Variants in NUP98 observed in about 807,000 individuals in gnomAD.
NUP98 encodes the protein nuclear pore complex protein Nup98-Nup96.
Under a neutral mutation model 191.9 loss-of-function variants are expected in NUP98, and 26 were observed. The ratio of observed to expected loss-of-function variants is 0.14; its 90% CI spans 0.10 to 0.19. NUP98 has a LOEUF of 0.19. Ranked by LOEUF, NUP98 falls within the 10% of genes least tolerant of loss-of-function variation. The probability of loss-of-function intolerance (pLI) is 1.00; values close to 1 mark genes in which losing one functional copy is unlikely to be tolerated. For missense variants in NUP98, 1,941 were observed against 2,178.8 expected (o/e 0.89, Z 2.17); for synonymous variants, 808 against 778.4 (o/e 1.04, Z -0.63).
chr11:3,781,962 C>T, intron 2 of NUP98, 80 bp downstream of exon 2: 1 of 882,418 alleles, frequency 1.1e-6, no homozygotes, highest in South Asian at 1.6e-5. Flanking sequence ...AAAATTCCCA[C>T]CTAAAGCTTA....
chr11:3,795,827 T>C (rs1382508611), intron 1 of NUP98, among the ~76,000 whole-genome samples: 1 of 152,204 alleles, frequency 6.6e-6, no homozygotes, highest in Non-Finnish European at 1.5e-5. Context: ...CATACCCTGT[T>C]CACGCTTTAC....
At chr11:3,702,280 GACACACACACACACACACAC>G (rs537147629) in intron 23 of NUP98, among the ~76,000 whole-genome samples, 163 bp downstream of exon 23, 1 of 108,480 alleles carries the variant, frequency 9.2e-6, no homozygotes, top group African/African-American at 4.0e-5. Context: ...GCAAAACTGA[GACACACACACACACACACAC>G]ACACACACAC....
At chr11:3,746,380 T>C (rs1471419955) in intron 11 of NUP98, among the ~76,000 whole-genome samples, 2 of 149,816 alleles carry the variant, frequency 1.3e-5, no homozygotes, top group Admixed American at 6.7e-5. Context: ...ACTAAAATTA[T>C]ATTACTTCAT....
chr11:3,720,822 A>G lies in NUP98; in HGVS notation c.2150T>C (p.Ile717Thr). 1 of 1,058,458 alleles carries G rather than the reference A, an allele frequency of 9.4e-7. No individual in the cohort carries two copies. Among genetic ancestry groups the G allele is most frequent in the Non-Finnish European group, 1.4e-6 (1 of 715,396 alleles). 65.6% of individuals were successfully genotyped at this position (1,058,458 alleles called of 1,614,324 possible). A position where few individuals can be genotyped will look rare whatever the true frequency, so the allele number is the denominator to read the frequency against. ...NNSYHMHPAG[I>T]ILTKVGYYTI... ...ATAGTAACCAACCTTAGTGAGAATA[A>G]TACCTGTGACAAAAAAAAAAAAAAA... Residue 717 changes from isoleucine to threonine, a missense_variant, in exon 17 of 33, where the codon ATT becomes ACT. Coordinates refer to ENST00000324932, the MANE Select transcript of NUP98 (RefSeq NM_016320.5).
chr11:3,718,686 A>C (rs2079276680), intron 18 of NUP98, among the ~76,000 whole-genome samples: 1 of 152,252 alleles, frequency 6.6e-6, no homozygotes, highest in Non-Finnish European at 1.5e-5. Context: ...AATAATTTTC[A>C]CTACAGCCCT....
chr11:3,702,311 ACACTCTCT>A (rs1349131910), intron 23 of NUP98, 144 bp downstream of exon 23: 199 of 423,932 alleles, frequency 4.7e-4, no homozygotes, highest in African/African-American at 2.6e-3. Flanking sequence ...ACACACACAC[ACACTCTCT>A]CTCTCTCTCT....
chr11:3,753,203 CG>C (rs2080830169), intron 11 of NUP98, 112 bp downstream of exon 11: 1 of 905,994 alleles, frequency 1.1e-6, no homozygotes, highest in African/African-American at 1.7e-5. Context: ...ACTGGAAAAA[CG>C]AAAAGGTAGA....
chr11:3,746,284 A>AC (rs1341647454), intron 11 of NUP98, among the ~76,000 whole-genome samples: 1 of 147,164 alleles, frequency 6.8e-6, no homozygotes, highest in Non-Finnish European at 1.5e-5. Flanking sequence ...AAAAAAAAAA[A>AC]AAAAAAAAAA....
intron 18 of NUP98, among the ~76,000 whole-genome samples, chr11:3,719,136 T>C (rs1225393977): frequency 6.6e-6 from 1 of 150,404 alleles, no homozygotes; most frequent in African/African-American, 2.4e-5. Context: ...AAAAAAATAA[T>C]AATAGTAAAA....
intron 10 of NUP98, among the ~76,000 whole-genome samples, chr11:3,757,185 T>C (rs1330598621): frequency 6.7e-6 from 1 of 148,638 alleles, no homozygotes; most frequent in Non-Finnish European, 1.5e-5. Context: ...AACACCCTTA[T>C]AGTGTTCAGA....
Position 3,699,317 on chromosome 11 carries a change from T to C in NUP98, c.3774A>G (p.Leu1258=), listed in dbSNP as rs370593563. 1.3e-4 allele frequency: 216 copies of C among 1,614,056 alleles called. No individual in the cohort carries two copies. In the East Asian group the frequency reaches 1.9e-3, roughly 14 times the overall value. ...IVKHWSLTWT[L]CEALWGHLKE... ...TCAGGTGGCCCCATAGGGCTTCACA[T>C]AGTGTCCATGTCAGGCTCCAGTGCT... The change falls in exon 25 of 33, where the codon CTA becomes CTG. Residue 1258 remains leucine (L), a synonymous_variant. Transcript: ENST00000324932.
At chr11:3,737,143 C>A (rs74049665) in intron 12 of NUP98, among the ~76,000 whole-genome samples, 1 of 151,828 alleles carries the variant, frequency 6.6e-6, no homozygotes, top group Non-Finnish European at 1.5e-5. Context: ...GATCAAAACC[C>A]AAAACATAAT....
At chr11:3,776,413 C>T (rs1475386734) in intron 4 of NUP98, among the ~76,000 whole-genome samples, 2 of 152,048 alleles carry the variant, frequency 1.3e-5, no homozygotes, top group Non-Finnish European at 2.9e-5. Flanking sequence ...GTGTGAGCCA[C>T]TGCACCTGAT....
chr11:3,744,404 G>A (rs1589859271), intron 12 of NUP98, 105 bp downstream of exon 12: 2 of 1,122,414 alleles, frequency 1.8e-6, no homozygotes, highest in African/African-American at 1.6e-5. Flanking sequence ...TGACATGCAT[G>A]TATGCAATGC....
At chr11:3,707,891 A>G (rs1246081970) in intron 20 of NUP98, among the ~76,000 whole-genome samples, 1 of 152,090 alleles carries the variant, frequency 6.6e-6, no homozygotes, top group Non-Finnish European at 1.5e-5. Flanking sequence ...ACCTGAGGTC[A>G]GGAGTTCGAG....
At chr11:3,710,597 G>C (rs2079001234) in intron 20 of NUP98, among the ~76,000 whole-genome samples, 1 of 152,214 alleles carries the variant, frequency 6.6e-6, no homozygotes, top group African/African-American at 2.4e-5. Context: ...GGGGTGAGGT[G>C]ATGGTATGCA....
chr11:3,733,767 A>C (rs1267189497), intron 13 of NUP98, among the ~76,000 whole-genome samples: 4 of 152,216 alleles, frequency 2.6e-5, no homozygotes, highest in Non-Finnish European at 5.9e-5. Context: ...ATTACCACAT[A>C]CACTCTACTG....
chr11:3,768,520 A>C, intron 8 of NUP98, 61 bp downstream of exon 8: 2 of 1,392,518 alleles, frequency 1.4e-6, no homozygotes, highest in Non-Finnish European at 1.9e-6. Flanking sequence ...ACATGATTAG[A>C]ATCCTCATTA....
chr11:3,732,326 G>A (rs2079881008), intron 13 of NUP98, among the ~76,000 whole-genome samples: 1 of 152,128 alleles, frequency 6.6e-6, no homozygotes, highest in South Asian at 2.1e-4. Flanking sequence ...AATATATCTT[G>A]TCCATTCTCT....
Sources: allele counts gnomAD v4.1 joint callset (sites outside exome capture counted in the v4.1 genomes callset), GRCh38; gene constraint gnomAD v4.1.1; transcripts MANE v1.5; gene names NCBI Gene and HGNC (gene_info 2026-07-23, HGNC 2026-07-21).